Variants in PGAP2 observed in about 807,000 individuals in gnomAD.
PGAP2 encodes post-GPI attachment to proteins 2, also known as acyltransferase PGAP2.
Under a neutral mutation model 33.2 loss-of-function variants are expected in PGAP2, and 21 were observed. The observed-to-expected ratio is 0.63, with a 90% confidence interval of 0.45 to 0.91. The LOEUF (loss-of-function observed/expected upper bound fraction) is 0.91. Ranked by LOEUF, PGAP2 falls within the 40% of genes least tolerant of loss-of-function variation. PGAP2 has a pLI of 0.00. For synonymous variants in PGAP2, 161 were observed against 172.9 expected (o/e 0.93, Z 0.54); for missense variants, 345 against 424.0 (o/e 0.81, Z 1.64).
Position 3,811,289 on chromosome 11 carries a change from G to T in PGAP2, c.30G>T (p.Arg10=), listed in dbSNP as rs139604328. The stretch of plus-strand genomic sequence containing the variant: ...ACCAGGTCCCACTACCACTGGATCG[G>T]GATGGGACCCTGGTACGGCTCCGCT... The part of the protein sequence containing the change: MYQVPLPLD[R]DGTLVRLRFT... Residue 10 remains arginine, a synonymous_variant, in exon 2 of 7, where the codon CGG becomes CGT. Coordinates refer to ENST00000278243, the MANE Select transcript of PGAP2 (RefSeq NM_014489.4). This position sits in a 1 kb window ranked among gnomAD's most constrained non-coding sequence, Gnocchi z 4.6. The T allele has an allele frequency of 6.2e-7, 1 of 1,613,900 alleles. No individual in the cohort carries two copies. The highest frequency in any genetic ancestry group is 1.3e-5 in the African/African-American group (1 of 74,910).
rs549381718 is a variant in PGAP2, at chr11:3,814,458, T to C, written c.166-2895T>C. Among the ~76,000 whole-genome samples the C allele has an allele frequency of 2.0e-5, 3 of 152,308 alleles. No homozygotes were observed. In the East Asian group the frequency reaches 5.8e-4, roughly 29 times the overall value. On this transcript the variant is annotated intron_variant, in intron 2 of 6. Transcript: ENST00000278243. ...TTTTGGTATTGACGGGGTTTCGTCA[T>C]GTTGGCCAGGCTCGTCTCGAACTCC...
intron 1 of PGAP2, among the ~76,000 whole-genome samples, chr11:3,809,311 A>G (rs187923918): frequency 6.6e-6 from 1 of 152,320 alleles, no homozygotes; most frequent in East Asian, 1.9e-4. Context: ...TGAGGTGTGG[A>G]GTAGAATGAC....
In PGAP2 at chr11:3,801,215, A is replaced by G. The variant is rs150268555; in HGVS notation, c.139+3233A>G. 7.7e-3 allele frequency among the ~76,000 whole-genome samples: 1,171 copies of G among 152,304 alleles called. 6 individuals carry two copies. Among genetic ancestry groups the G allele is most frequent in the Middle Eastern group, 0.024 (7 of 294 alleles). On this transcript the variant is annotated intron_variant, in intron 1 of 6. Coordinates refer to the PGAP2 transcript ENST00000300730. ...CCTCTGAACCTCAATTTTCTTTTGT[A>G]TAAAATGGGGATAACAACCACATTT...
Position 3,825,847 on chromosome 11 carries a change from T to A in PGAP2, c.*389T>A, listed in dbSNP as rs2089938487. The A allele has an allele frequency of 5.0e-6, 1 of 199,358 alleles. No homozygotes were observed. Among genetic ancestry groups the A allele is most frequent in the Admixed American group, 5.3e-5 (1 of 18,974 alleles). 12.3% of individuals were successfully genotyped at this position (199,358 alleles called of 1,614,324 possible). A position where few individuals can be genotyped will look rare whatever the true frequency, so the allele number is the denominator to read the frequency against. On this transcript the variant is annotated 3_prime_UTR_variant, in exon 7 of 7. Transcript: ENST00000278243. The stretch of plus-strand genomic sequence containing the variant: ...TCCCTGACAACCACAGCCATTTCTC[T>A]GCACGGGGGTCATTCATAGGACTAA...
intron 1 of PGAP2, among the ~76,000 whole-genome samples, chr11:3,798,521 G>T (rs960127008): frequency 3.9e-5 from 6 of 152,000 alleles, no homozygotes; most frequent in African/African-American, 1.2e-4. Context: ...GTAGAGACGG[G>T]GATTTCACTG....
At chr11:3,809,426 G>A (rs1211120875) in intron 1 of PGAP2, among the ~76,000 whole-genome samples, 1 of 152,204 alleles carries the variant, frequency 6.6e-6, no homozygotes, top group Non-Finnish European at 1.5e-5. Flanking sequence ...AGGTCACACA[G>A]CTAAATGGGA....
chr11:3,797,729 T>C (rs1213721247), upstream of PGAP2: 2 of 1,242,834 alleles, frequency 1.6e-6, no homozygotes, highest in East Asian at 5.5e-5. Flanking sequence ...CAGAAGGAGT[T>C]CGGGGAGGCA....
intron 3 of PGAP2, among the ~76,000 whole-genome samples, chr11:3,821,747 G>A (rs1312911374): frequency 1.4e-5 from 2 of 146,602 alleles, no homozygotes; most frequent in Non-Finnish European, 1.5e-5. Flanking sequence ...AACACAGCGA[G>A]ACTCCATCTC....
chr11:3,816,589 A>C (rs1395631732), intron 2 of PGAP2, among the ~76,000 whole-genome samples: 1 of 151,984 alleles, frequency 6.6e-6, no homozygotes, highest in Non-Finnish European at 1.5e-5. Context: ...ATTCCCCCAA[A>C]CCTTGGATTG....
chr11:3,800,553 T>G (rs979827528), intron 1 of PGAP2, among the ~76,000 whole-genome samples: 34 of 152,204 alleles, frequency 2.2e-4, no homozygotes, highest in Non-Finnish European at 4.6e-4. Context: ...GGCTCACGCC[T>G]GTAATCCCAG....
rs1402754698 is a variant in PGAP2, at chr11:3,817,365, A to T, written c.178A>T (p.Arg60Trp). 1.9e-6 allele frequency: 3 copies of T among 1,613,632 alleles called. No homozygotes were observed. The African/African-American group carries it at 4.0e-5, about 22-fold the overall frequency. Residue 60 changes from arginine (R) to tryptophan (W), a missense_variant, in exon 3 of 7, where the codon AGG (arginine) becomes TGG (tryptophan). Arg to Trp is a moderately radical substitution (Grantham distance 101). Transcript: ENST00000278243. ...TATHCGATPC[R>W]MFSAASQPLD... The stretch of plus-strand genomic sequence containing the variant: ...TCGTGCTGCTTAGGCCACGCCCTGC[A>T]GGATGTTCTCTGCGGCCTCCCAGCC...
intron 1 of PGAP2, chr11:3,797,989 A>C (rs1362392252): frequency 2.6e-6 from 4 of 1,541,608 alleles, no homozygotes; most frequent in Middle Eastern, 1.7e-4. Context: ...CATGGTAACT[A>C]TTCGACCCTT....
At chr11:3,808,282 T>G (rs1055554829), upstream of PGAP2, 2 of 1,551,334 alleles carry the variant, frequency 1.3e-6, no homozygotes, top group African/African-American at 2.7e-5. Flanking sequence ...TAATTTTGTG[T>G]TCTTTCAACA....
In PGAP2 at chr11:3,825,101, C is replaced by A. The variant is rs765407513; in HGVS notation, c.790C>A (p.Arg264=). 1 of 1,614,184 alleles carries A rather than the reference C, an allele frequency of 6.2e-7. No individual in the cohort carries two copies. Among genetic ancestry groups the A allele is most frequent in the East Asian group, 2.2e-5 (1 of 44,878 alleles). The part of the protein sequence containing the change: ...SFFSALAVYF[R]HNMYCEAGVY... ...CTTCTCGGCGCTGGCTGTCTACTTT[C>A]GGCACAACATGTATTGTGAGGCTGG... Residue 264 remains arginine, a synonymous_variant, in exon 6 of 7, where the codon CGG becomes AGG. Coordinates refer to ENST00000278243, the MANE Select transcript of PGAP2 (RefSeq NM_014489.4).
chr11:3,824,802 C>T lies in PGAP2; in HGVS notation c.709-218C>T, dbSNP rs553470640. On this transcript the variant is annotated intron_variant, in intron 5 of 6. Coordinates refer to ENST00000278243, the MANE Select transcript of PGAP2 (RefSeq NM_014489.4). ...ATACTCCATCCCCCTGAAGTGGAAG[C>T]GGCAGGAATACCACTGCTCCTCGGC... 311 of 1,431,760 alleles carry T rather than the reference C, an allele frequency of 2.2e-4. No homozygotes were observed. The Middle Eastern group carries it at 4.4e-3, about 20-fold the overall frequency. The allele number at this position is 1,431,760 out of a possible 1,614,324, so 88.7% of individuals were successfully genotyped here.
rs533994330 is a variant in PGAP2, at chr11:3,811,364, C to T, written c.105C>T (p.Leu35=). ...VTVCCPLVAF[L]FCILWSLLFH... is the part of the protein sequence containing the mutation. ...TCTGCTGTCCACTTGTCGCCTTCCT[C>T]TTCTGCATCCTCTGGTCCCTGCTCT... Residue 35 remains leucine (L), a synonymous_variant, in exon 2 of 7, where the codon CTC becomes CTT. Transcript: ENST00000278243. The surrounding 1 kb of genome is among the most constrained non-coding windows in gnomAD (Gnocchi z 4.6). 45 of 1,614,148 alleles carry T rather than the reference C, an allele frequency of 2.8e-5. No homozygotes were observed. In the East Asian group the frequency reaches 9.1e-4, roughly 33 times the overall value.
upstream of PGAP2, among the ~76,000 whole-genome samples, chr11:3,803,619 G>A (rs2083836261): frequency 6.6e-6 from 1 of 151,786 alleles, no homozygotes; most frequent in Admixed American, 6.6e-5. Context: ...GTAGAGATGA[G>A]GTTTCACCAT....
intron 1 of PGAP2, among the ~76,000 whole-genome samples, chr11:3,809,975 G>A (rs2085214360): frequency 1.3e-5 from 2 of 152,328 alleles, no homozygotes; most frequent in Admixed American, 1.3e-4. Flanking sequence ...GTCAGGAAGA[G>A]TTGGGACTTG....
rs1262272979 is a variant in PGAP2 at position 3,811,156 on chromosome 11, C to T, written c.-10-94C>T. On this transcript the variant is annotated intron_variant, in intron 1 of 6. Transcript: ENST00000278243. This position sits in a 1 kb window ranked among gnomAD's most constrained non-coding sequence, Gnocchi z 4.6. Reference sequence around the variant, plus strand: ...CTCAGACTCCCCACCCCACAGCACACAGCTAATTTTAGGACTGAGCACAAG... The same window carrying T: ...CTCAGACTCCCCACCCCACAGCACATAGCTAATTTTAGGACTGAGCACAAG... The T allele has an allele frequency of 4.2e-6, 5 of 1,192,506 alleles. No homozygotes were observed. In the Admixed American group the frequency reaches 1.0e-4, roughly 25 times the overall value. The allele number at this position is 1,192,506 out of a possible 1,614,324, so 73.9% of individuals were successfully genotyped here. A position where few individuals can be genotyped will look rare whatever the true frequency, so the allele number is the denominator to read the frequency against.
Sources: allele counts gnomAD v4.1 joint callset (sites outside exome capture counted in the v4.1 genomes callset), GRCh38; gene constraint gnomAD v4.1.1; non-coding constraint Gnocchi (gnomAD v3.1); transcripts MANE v1.5; gene names NCBI Gene and HGNC (gene_info 2026-07-23, HGNC 2026-07-21).